Variants in DNASE2B observed in about 807,000 individuals in gnomAD.
DNASE2B encodes the protein deoxyribonuclease-2-beta.
A neutral mutation model predicts 46.0 loss-of-function variants in DNASE2B; 43 were observed. The ratio of observed to expected loss-of-function variants is 0.94; its 90% CI spans 0.73 to 1.21. The LOEUF is 1.21. Ranked by LOEUF, DNASE2B falls within the 50% of genes most tolerant of loss-of-function variation. The pLI is 0.00. For synonymous variants in DNASE2B, 156 were observed against 152.5 expected, an observed-to-expected ratio of 1.02 and a Z score of -0.17; for missense variants, 395 against 414.4, an observed-to-expected ratio of 0.95 and a Z score of 0.41.
intron 2 of DNASE2B, chr1:84,408,171 G>A (rs1329358497): frequency 2.7e-5 from 7 of 261,564 alleles, no homozygotes; most frequent in Admixed American, 5.7e-5. Context: ...AGAGAAATAG[G>A]AACATTGCCC....
At position 84,399,517 on chromosome 1, in the gene DNASE2B, G is replaced by A. The variant is rs115656152; in HGVS notation, c.125+828G>A. Among the ~76,000 whole-genome samples the A allele has an allele frequency of 9.4e-3, 1,437 of 152,260 alleles. 9 individuals are homozygous for A. The highest frequency in any genetic ancestry group is 0.015 in the Non-Finnish European group (1,023 of 68,020). ...GTGGTAAGGGCATAGGTGGAACACT[G>A]GGGAACAGAGAGCCCAGAAAACTTC... On this transcript the variant is annotated intron_variant, in intron 1 of 5. Coordinates refer to ENST00000370665, the MANE Select transcript of DNASE2B (RefSeq NM_021233.3).
Position 84,414,916 on chromosome 1 carries a change from G to A in DNASE2B, c.*48G>A. Reference sequence around the variant, plus strand: ...CTATCATTGAAAACCTTGACAATGGGTCTTCTTCCATTACACCTTCTTTAT... The same window carrying A: ...CTATCATTGAAAACCTTGACAATGGATCTTCTTCCATTACACCTTCTTTAT... On this transcript the variant is annotated 3_prime_UTR_variant, in exon 6 of 6. Coordinates refer to ENST00000370665, the MANE Select transcript of DNASE2B (RefSeq NM_021233.3). 7.3e-7 allele frequency: 1 copy of A among 1,373,672 alleles called. No homozygotes were observed. Among genetic ancestry groups the A allele is most frequent in the Non-Finnish European group, 1.0e-6 (1 of 989,306 alleles). The allele number at this position is 1,373,672 out of a possible 1,614,324, so 85.1% of individuals were successfully genotyped here.
In DNASE2B at chr1:84,412,491, G is replaced by C. The variant is rs1163135095; in HGVS notation, c.690G>C (p.Gln230His). The stretch of plus-strand genomic sequence containing the variant: ...CTGGCAGGCTCCTCACCACACTTCA[G>C]TCGGCCCAGGGACAAAAATTCCTCC... ...EIPGRLLTTL[Q>H]SAQGQKFLHF... Residue 230 changes from glutamine to histidine, a missense_variant, in exon 5 of 6, where the codon CAG becomes CAC. By Grantham distance (24) the Gln-to-His change is conservative. Coordinates refer to ENST00000370665, the MANE Select transcript of DNASE2B (RefSeq NM_021233.3). 1 of 1,613,742 alleles carries C rather than the reference G, an allele frequency of 6.2e-7. No individual in the cohort carries two copies. The highest frequency in any genetic ancestry group is 1.3e-5 in the African/African-American group (1 of 75,004).
At chr1:84,410,794 G>A (rs1276215833) in intron 3 of DNASE2B, 44 bp from the exon 4 acceptor site, 1 of 1,579,254 alleles carries the variant, frequency 6.3e-7, no homozygotes, top group Admixed American at 1.9e-5. Context: ...TATAAAAGAA[G>A]CTTTGTTTTT....
intron 2 of DNASE2B, among the ~76,000 whole-genome samples, chr1:84,405,300 G>A (rs1680477603): frequency 6.6e-6 from 1 of 152,062 alleles, no homozygotes; most frequent in Non-Finnish European, 1.5e-5. Context: ...CCATATAAAA[G>A]CTGCATTTTA....
chr1:84,408,181 C>G (rs1409827117), intron 2 of DNASE2B: 1 of 305,920 alleles, frequency 3.3e-6, no homozygotes, highest in Non-Finnish European at 5.5e-6. Context: ...GAACATTGCC[C>G]TCACACACAG....
intron 4 of DNASE2B, among the ~76,000 whole-genome samples, chr1:84,411,882 T>A (rs1680604061): frequency 6.6e-6 from 1 of 152,206 alleles, no homozygotes; most frequent in Non-Finnish European, 1.5e-5. Context: ...GAGGAGATGA[T>A]GATTCTTAAA....
At position 84,414,638 on chromosome 1, in the gene DNASE2B, T is replaced by C. The variant is rs1680662510; in HGVS notation, c.856T>C (p.Tyr286His). ...AAACTGCTCCCTTCCTTACCATGTC[T>C]ACAATATAAAAGCAATTAAATTATC... Reference protein sequence around the residue: ...PSNCSLPYHVYNIKAIKLSRH... With the variant: ...PSNCSLPYHVHNIKAIKLSRH... The change falls in exon 6 of 6, where the codon TAC becomes CAC. Residue 286 changes from tyrosine (Y) to histidine (H), a missense_variant. Tyr to His is a moderately conservative substitution (Grantham distance 83). Coordinates refer to ENST00000370665, the MANE Select transcript of DNASE2B (RefSeq NM_021233.3). 6.2e-7 allele frequency: 1 copy of C among 1,614,158 alleles called. No homozygotes were observed. Among genetic ancestry groups the C allele is most frequent in the Non-Finnish European group, 8.5e-7 (1 of 1,180,016 alleles).
chr1:84,400,364 G>A (rs1435807599), intron 1 of DNASE2B, among the ~76,000 whole-genome samples: 7 of 151,688 alleles, frequency 4.6e-5, no homozygotes, highest in South Asian at 2.1e-4. Context: ...ATGAGACTCC[G>A]TCTCAAAAAA....
intron 5 of DNASE2B, among the ~76,000 whole-genome samples, chr1:84,413,182 A>C (rs1680633000): frequency 1.3e-5 from 2 of 151,868 alleles, no homozygotes; most frequent in South Asian, 4.2e-4. Flanking sequence ...CTCAACTCTA[A>C]AGCATCTATA....
intron 2 of DNASE2B, among the ~76,000 whole-genome samples, chr1:84,404,338 T>C (rs1289252610): frequency 1.3e-5 from 2 of 152,244 alleles, no homozygotes. Flanking sequence ...CTTTCTTGAT[T>C]GACTCTGTCA....
chr1:84,402,010 C>A lies in DNASE2B; in HGVS notation c.235C>A (p.Leu79Ile). ...TAGAAGCTGGAGGAAGAGTGAGCAA[C>A]TAATGAATGACACCAAGAGTGTTTT... ...TTRSWRKSEQ[L>I]MNDTKSVLGR... The change falls in exon 2 of 6, where the codon CTA becomes ATA. Residue 79 changes from leucine to isoleucine, a missense_variant. By Grantham distance (5) the Leu-to-Ile change is conservative. Transcript: ENST00000370665. 1 of 1,610,704 alleles carries A rather than the reference C, an allele frequency of 6.2e-7. No individual in the cohort carries two copies. Among genetic ancestry groups the A allele is most frequent in the South Asian group, 1.1e-5 (1 of 90,202 alleles).
Position 84,402,174 on chromosome 1 carries a change from C to T in DNASE2B, c.303+96C>T, listed in dbSNP as rs1218542639. The T allele has an allele frequency of 3.1e-6, 4 of 1,277,344 alleles. No homozygotes were observed. The Admixed American group carries it at 9.1e-5, about 29-fold the overall frequency. The allele number at this position is 1,277,344 out of a possible 1,614,324, so 79.1% of individuals were successfully genotyped here. On this transcript the variant is annotated intron_variant, in intron 2 of 5. Transcript: ENST00000370665. ...GAGTTTTCTGTTCACCCACCCAACC[C>T]CCAATCCTAGCACCTTGAAGTGAGC...
intron 1 of DNASE2B, 100 bp downstream of exon 1, chr1:84,398,789 T>G: frequency 6.7e-7 from 1 of 1,497,162 alleles, no homozygotes; most frequent in Non-Finnish European, 9.0e-7. Flanking sequence ...CCATTCTCTT[T>G]CCTCCCTTTA....
At chr1:84,410,428 C>CT (rs1432876637) in intron 3 of DNASE2B, among the ~76,000 whole-genome samples, 1 of 152,172 alleles carries the variant, frequency 6.6e-6, no homozygotes, top group Non-Finnish European at 1.5e-5. Context: ...TCTTTCAACT[C>CT]TGTTTTTTAG....
intron 2 of DNASE2B, among the ~76,000 whole-genome samples, chr1:84,403,993 G>T (rs1390683284): frequency 7.7e-6 from 1 of 130,354 alleles, no homozygotes; most frequent in Non-Finnish European, 1.6e-5. Context: ...GGTGGGTAAA[G>T]ATAGGGTTTC....
Position 84,401,992 on chromosome 1 carries a change from T to A in DNASE2B, c.217T>A (p.Trp73Arg). 6.2e-7 allele frequency: 1 copy of A among 1,609,426 alleles called. No individual in the cohort carries two copies. The highest frequency in any genetic ancestry group is 8.5e-7 in the Non-Finnish European group (1 of 1,178,394). The change falls in exon 2 of 6, where the codon TGG becomes AGG. Residue 73 changes from tryptophan (W) to arginine (R), a missense_variant. Transcript: ENST00000370665. ...YLYLDSTTRS[W>R]RKSEQLMNDT... ...GTACCTAGACTCTACAACTAGAAGC[T>A]GGAGGAAGAGTGAGCAACTAATGAA...
At chr1:84,402,180 C>T (rs1680433156) in intron 2 of DNASE2B, 102 bp downstream of exon 2, 1 of 1,199,570 alleles carries the variant, frequency 8.3e-7, no homozygotes, top group Admixed American at 3.2e-5. Context: ...AACCCCCAAT[C>T]CTAGCACCTT....
chr1:84,410,058 C>G (rs967255516), intron 3 of DNASE2B, among the ~76,000 whole-genome samples: 1 of 152,036 alleles, frequency 6.6e-6, no homozygotes, highest in Non-Finnish European at 1.5e-5. Context: ...TAGGCAAACA[C>G]GAGTGAATCT....
Sources: gnomAD v4.1 joint callset for allele counts (sites outside exome capture counted in the v4.1 genomes callset) on GRCh38, gnomAD v4.1.1 for gene constraint, MANE v1.5 for transcripts, NCBI Gene and HGNC (gene_info 2026-07-23, HGNC 2026-07-21) for gene names.